The following JAK2 variants were observed in gnomAD, a reference collection of about 807,000 sequenced individuals.
JAK2 encodes the protein Janus kinase 2, also known as tyrosine-protein kinase JAK2.
A neutral mutation model predicts 139.3 loss-of-function variants in JAK2; 86 were observed. The ratio of observed to expected loss-of-function variants is 0.62; its 90% CI spans 0.52 to 0.74. The LOEUF (loss-of-function observed/expected upper bound fraction) is 0.74. JAK2 is among the 30% of genes least tolerant of loss of function. The probability of loss-of-function intolerance (pLI) is 0.00; values close to 1 mark genes in which losing one functional copy is unlikely to be tolerated. For missense variants in JAK2, 1,421 were observed against 1,360.3 expected (o/e 1.04, Z -0.70); for synonymous variants, 490 against 437.7 (o/e 1.12, Z -1.49).
intron 8 of JAK2, among the ~76,000 whole-genome samples, chr9:5,059,435 CTG>C (rs1282845236): frequency 3.3e-5 from 5 of 152,074 alleles, no homozygotes; most frequent in Non-Finnish European, 5.9e-5. Flanking sequence ...AATTGTTTGA[CTG>C]TACCTCAAAT....
At chr9:5,119,724 A>G (rs1823470549) in intron 22 of JAK2, among the ~76,000 whole-genome samples, 1 of 152,178 alleles carries the variant, frequency 6.6e-6, no homozygotes, top group Non-Finnish European at 1.5e-5. Context: ...TTTGGGGAAT[A>G]ATTAGAAGCA....
chr9:5,031,167 C>G lies in JAK2; in HGVS notation c.350+1261C>G, dbSNP rs148127783. Among the ~76,000 whole-genome samples, 177 of 152,236 alleles carry G rather than the reference C, an allele frequency of 1.2e-3. 2 individuals carry two copies. The highest frequency in any genetic ancestry group is 3.9e-3 in the African/African-American group (162 of 41,568). ...CTTATGCTATATCCTTAGCTCTAAG[C>G]CAATCAAAATCCTAACAAAGGCATT... is the stretch of plus-strand genomic sequence containing the variant. On this transcript the variant is annotated intron_variant, in intron 4 of 24. Coordinates refer to ENST00000381652, the MANE Select transcript of JAK2 (RefSeq NM_004972.4).
chr9:5,041,377 C>T (rs374982050), intron 4 of JAK2: 11 of 625,314 alleles, frequency 1.8e-5, no homozygotes, highest in South Asian at 3.5e-5. Flanking sequence ...TGCACCTGGG[C>T]AAGGAGCAGA....
At chr9:5,007,601 C>T (rs1821391648) in intron 2 of JAK2, among the ~76,000 whole-genome samples, 1 of 146,592 alleles carries the variant, frequency 6.8e-6, no homozygotes, top group South Asian at 2.1e-4. Context: ...TATTTTGCAA[C>T]TTAATATACT....
chr9:5,007,495 C>T lies in JAK2; in HGVS notation c.-25-14468C>T, dbSNP rs565505348. On this transcript the variant is annotated intron_variant, in intron 2 of 24. Transcript: ENST00000381652. Reference sequence around the variant, plus strand: ...CCATTAATTCAAATGCAGAACTTCACATTTTTCAATGCATACGTGAGTTTT... The same window carrying T: ...CCATTAATTCAAATGCAGAACTTCATATTTTTCAATGCATACGTGAGTTTT... Among the ~76,000 whole-genome samples the T allele has an allele frequency of 5.9e-5, 9 of 152,152 alleles. No homozygotes were observed. The South Asian group carries it at 1.5e-3, about 25-fold the overall frequency.
chr9:5,095,737 C>G (rs1820937354), intron 22 of JAK2, among the ~76,000 whole-genome samples: 2 of 152,144 alleles, frequency 1.3e-5, no homozygotes, highest in African/African-American at 4.8e-5. Flanking sequence ...AGGACTTAAT[C>G]AAACACAATT....
intron 22 of JAK2, chr9:5,111,765 G>A (rs1822575533): frequency 4.7e-6 from 2 of 421,454 alleles, no homozygotes; most frequent in South Asian, 3.5e-5. Flanking sequence ...GTGAACGGTG[G>A]GCTTCCGGCT....
Sources: gnomAD v4.1 joint callset for allele counts (sites outside exome capture counted in the v4.1 genomes callset) on GRCh38, gnomAD v4.1.1 for gene constraint, MANE v1.5 for transcripts, NCBI Gene and HGNC (gene_info 2026-07-23, HGNC 2026-07-21) for gene names.